The following FAM227A variants were observed in gnomAD, a reference collection of about 807,000 sequenced individuals.
FAM227A encodes the protein family with sequence similarity 227 member A.
Under a neutral mutation model 74.7 loss-of-function variants are expected in FAM227A, and 80 were observed. The ratio of observed to expected loss-of-function variants is 1.07; its 90% CI spans 0.89 to 1.29. FAM227A has a LOEUF of 1.29. FAM227A is among the 50% of genes most tolerant of loss of function. The pLI is 0.00. For missense variants in FAM227A, 654 were observed against 683.4 expected (o/e 0.96, Z 0.48); for synonymous variants, 237 against 241.8 (o/e 0.98, Z 0.19).
intron 16 of FAM227A, among the ~76,000 whole-genome samples, chr22:38,589,719 T>C (rs1317779327): frequency 6.6e-6 from 1 of 152,154 alleles, no homozygotes; most frequent in Non-Finnish European, 1.5e-5. Context: ...TTCTCAACAG[T>C]AAAAGCAGCA....
chr22:38,614,229 G>A (rs2091528968), intron 11 of FAM227A, among the ~76,000 whole-genome samples: 1 of 152,114 alleles, frequency 6.6e-6, no homozygotes, highest in Non-Finnish European at 1.5e-5. Flanking sequence ...TATCCTGCCT[G>A]CTGCTCTTTT....
At chr22:38,613,090 A>C (rs1298818371) in intron 11 of FAM227A, among the ~76,000 whole-genome samples, 2 of 96,380 alleles carry the variant, frequency 2.1e-5, no homozygotes, top group Non-Finnish European at 3.7e-5. Flanking sequence ...AATTATATAT[A>C]TATATTATAT....
chr22:38,628,176 T>G, intron 8 of FAM227A, 62 bp downstream of exon 8: 1 of 970,218 alleles, frequency 1.0e-6, no homozygotes, highest in Non-Finnish European at 1.6e-6. Context: ...GACATTCTCT[T>G]GGCATCAGAA....
chr22:38,613,302 T>C (rs941288783), intron 11 of FAM227A, among the ~76,000 whole-genome samples: 1,268 of 57,660 alleles, frequency 0.022, 20 homozygotes, highest in Non-Finnish European at 0.032. Context: ...ATATCATATA[T>C]AATATATAAC....
chr22:38,652,876 C>CAA (rs10554372), intron 1 of FAM227A, among the ~76,000 whole-genome samples: 10 of 90,324 alleles, frequency 1.1e-4, no homozygotes, highest in Admixed American at 2.4e-4. Context: ...GACTCCATCT[C>CAA]AAAAAAAAAA....
In FAM227A at chr22:38,582,299, T is replaced by A. The variant is rs1427059534; in HGVS notation, c.*3826A>T. 1 of 1,517,356 alleles carries A rather than the reference T, an allele frequency of 6.6e-7. No individual in the cohort carries two copies. Among genetic ancestry groups the A allele is most frequent in the Admixed American group, 2.0e-5 (1 of 50,590 alleles). 94.0% of individuals were successfully genotyped at this position (1,517,356 alleles called of 1,614,324 possible). ...AAACATACATTTCATCATCAATTCA[T>A]AAGCAATTCAAAATCAGGACTATAG... is the stretch of plus-strand genomic sequence containing the variant. On this transcript the variant is annotated 3_prime_UTR_variant, in exon 17 of 17. Coordinates refer to ENST00000535113, the MANE Select transcript of FAM227A (RefSeq NM_001013647.2).
At chr22:38,603,009 G>A (rs1015272883) in intron 13 of FAM227A, among the ~76,000 whole-genome samples, 11 of 152,078 alleles carry the variant, frequency 7.2e-5, no homozygotes, top group Non-Finnish European at 1.3e-4. Flanking sequence ...GAGTAGCTGG[G>A]ATTACAGGCA....
At position 38,586,008 on chromosome 22, in the gene FAM227A, C is replaced by T; in HGVS notation, c.*117G>A. 1 of 1,540,494 alleles carries T rather than the reference C, an allele frequency of 6.5e-7. No individual in the cohort carries two copies. The highest frequency in any genetic ancestry group is 8.8e-7 in the Non-Finnish European group (1 of 1,141,888). The stretch of plus-strand genomic sequence containing the variant: ...CGGAATCCTTCCCCTATGGAGAAAT[C>T]ATGATTCCTATTTCTGTCTTTGGCC... On this transcript the variant is annotated 3_prime_UTR_variant, in exon 17 of 17. Coordinates refer to ENST00000535113, the MANE Select transcript of FAM227A (RefSeq NM_001013647.2).
intron 11 of FAM227A, among the ~76,000 whole-genome samples, chr22:38,617,389 G>C (rs375978397): frequency 2.7e-5 from 4 of 150,102 alleles, no homozygotes; most frequent in Non-Finnish European, 4.4e-5. Context: ...TCCGCCTCCC[G>C]GGTTAAAGCA....
chr22:38,635,512 G>A (rs1186841458), intron 6 of FAM227A, among the ~76,000 whole-genome samples: 2 of 152,080 alleles, frequency 1.3e-5, no homozygotes, highest in Non-Finnish European at 2.9e-5. Flanking sequence ...CTCCCTACAA[G>A]GATCTCCCAT....
intron 14 of FAM227A, among the ~76,000 whole-genome samples, chr22:38,597,780 C>T (rs530205399): frequency 1.3e-5 from 2 of 152,108 alleles, no homozygotes; most frequent in South Asian, 4.2e-4. Context: ...CTTGGCCAGG[C>T]GCGGTGTAAT....
intron 10 of FAM227A, among the ~76,000 whole-genome samples, chr22:38,621,294 G>A (rs961100851): frequency 6.8e-6 from 1 of 146,682 alleles, no homozygotes; most frequent in African/African-American, 2.5e-5. Context: ...AGGTTGCTGT[G>A]AGCCGAGATC....
intron 13 of FAM227A, among the ~76,000 whole-genome samples, chr22:38,602,010 T>G (rs1229215872): frequency 6.6e-6 from 1 of 152,160 alleles, no homozygotes; most frequent in African/African-American, 2.4e-5. Flanking sequence ...ACTGCTTTTG[T>G]GTTTAAAAAA....
rs1274706186 is a variant in FAM227A at position 38,634,251 on chromosome 22, T to C, written c.519+2200A>G. Among the ~76,000 whole-genome samples the C allele has an allele frequency of 4.1e-5, 6 of 146,660 alleles. No individual in the cohort carries two copies. The South Asian group carries it at 1.3e-3, about 32-fold the overall frequency. On this transcript the variant is annotated intron_variant, in intron 6 of 16. Coordinates refer to ENST00000535113, the MANE Select transcript of FAM227A (RefSeq NM_001013647.2). Reference sequence around the variant, plus strand: ...AAAAAAAAAAAAAAAAAAGATTGAATTGTAGAGAGTTTTCCATACTGATAC... The same window carrying C: ...AAAAAAAAAAAAAAAAAAGATTGAACTGTAGAGAGTTTTCCATACTGATAC...
intron 16 of FAM227A, among the ~76,000 whole-genome samples, chr22:38,589,617 A>G (rs1156353695): frequency 6.6e-6 from 1 of 152,190 alleles, no homozygotes; most frequent in Non-Finnish European, 1.5e-5. Context: ...GTGAAACTTC[A>G]GGATACTAAG....
At position 38,650,121 on chromosome 22, in the gene FAM227A, A is replaced by G; in HGVS notation, c.48T>C (p.Pro16=). Reference sequence around the variant, plus strand: ...CCAGGTGCTCATCCACTGGTATCATAGGTAGGGTGGTGAGGTTGATGACCT... The same window carrying G: ...CCAGGTGCTCATCCACTGGTATCATGGGTAGGGTGGTGAGGTTGATGACCT... ...KMEVINLTTL[P]MIPVDEHLAV... is the part of the protein sequence containing the mutation. Residue 16 remains proline (P), a synonymous_variant, in exon 2 of 17, where the codon CCT becomes CCC. Transcript: ENST00000535113. 1.3e-6 allele frequency: 2 copies of G among 1,551,854 alleles called. No homozygotes were observed. The highest frequency in any genetic ancestry group is 1.2e-5 in the South Asian group (1 of 84,062).
intron 8 of FAM227A, among the ~76,000 whole-genome samples, chr22:38,627,141 ACTTAT>A (rs2091826435): frequency 6.6e-6 from 1 of 151,478 alleles, no homozygotes; most frequent in Non-Finnish European, 1.5e-5. Context: ...GTAAGTATTC[ACTTAT>A]ATTTTCTTCT....
chr22:38,633,031 G>T (rs2145629587), intron 6 of FAM227A, among the ~76,000 whole-genome samples: 1 of 152,268 alleles, frequency 6.6e-6, no homozygotes, highest in East Asian at 1.9e-4. Flanking sequence ...GGGCAAGGTG[G>T]GAAAGGCTTT....
intron 11 of FAM227A, among the ~76,000 whole-genome samples, chr22:38,608,716 C>G (rs1008548696): frequency 1.3e-5 from 2 of 151,960 alleles, no homozygotes; most frequent in African/African-American, 4.8e-5. Flanking sequence ...CAGGCATGAG[C>G]CACCGTGCCA....
Sources: gnomAD v4.1 joint callset for allele counts (sites outside exome capture counted in the v4.1 genomes callset) on GRCh38, gnomAD v4.1.1 for gene constraint, MANE v1.5 for transcripts, NCBI Gene and HGNC (gene_info 2026-07-23, HGNC 2026-07-21) for gene names.